MAPK6: variants seen among roughly 807,000 people sequenced by gnomAD.
The protein encoded by MAPK6 is ERK-3.
In MAPK6, 19 loss-of-function variants were observed where a neutral mutation model predicts 59.3. The observed-to-expected ratio is 0.32, with a 90% CI of 0.22 to 0.47. The LOEUF (loss-of-function observed/expected upper bound fraction) is 0.47. Ranked by LOEUF, MAPK6 falls within the 20% of genes least tolerant of loss-of-function variation. The probability of loss-of-function intolerance (pLI) is 1.00; values close to 1 mark genes in which losing one functional copy is unlikely to be tolerated. For synonymous variants in MAPK6, 316 were observed against 290.3 expected, an observed-to-expected ratio of 1.09 and a Z score of -0.90; for missense variants, 724 against 847.9, an observed-to-expected ratio of 0.85 and a Z score of 1.81.
intron 2 of MAPK6, among the ~76,000 whole-genome samples, chr15:51,988,510 G>A (rs1026099243): frequency 3.9e-5 from 6 of 151,934 alleles, no homozygotes; most frequent in Admixed American, 1.3e-4. Context: ...ACGGCGGGTG[G>A]GTCACAAGGG....
upstream of MAPK6, among the ~76,000 whole-genome samples, chr15:52,016,085 C>CAG (rs1472862297): frequency 7.1e-6 from 1 of 140,348 alleles, no homozygotes; most frequent in Non-Finnish European, 1.5e-5. Context: ...CACACACACA[C>CAG]ACACACACAC....
intron 3 of MAPK6, among the ~76,000 whole-genome samples, chr15:52,053,064 A>G: frequency 7.2e-6 from 1 of 139,774 alleles, no homozygotes; most frequent in Admixed American, 7.2e-5. Context: ...GTAGTATCTC[A>G]TTGTGGTTTT....
chr15:52,044,840 A>G (rs1437775541), intron 1 of MAPK6, among the ~76,000 whole-genome samples: 2 of 151,940 alleles, frequency 1.3e-5, no homozygotes, highest in African/African-American at 2.4e-5. Flanking sequence ...TAAATAACAC[A>G]TTAAAACGCA....
intron 5 of MAPK6, 44 bp downstream of exon 5, chr15:52,061,544 C>T: frequency 7.1e-7 from 1 of 1,410,424 alleles, no homozygotes; most frequent in Non-Finnish European, 1.0e-6. Context: ...ACTGAACTTT[C>T]AGTGGACCAT....
In MAPK6 at chr15:52,058,833, C is replaced by A. The variant is rs778918785; in HGVS notation, c.865+36C>A. ...TCGAGAGTAACCCTCACGTTAATGC[C>A]TGTGTGTGAGGCAGAATCTGTGTAG... On this transcript the variant is annotated intron_variant, in intron 4 of 5. Transcript: ENST00000261845. 9.6e-6 allele frequency: 15 copies of A among 1,556,186 alleles called. No individual in the cohort carries two copies. The Admixed American group carries it at 2.6e-4, about 27-fold the overall frequency.
At chr15:52,038,806 GT>G (rs1566907197) in intron 1 of MAPK6, among the ~76,000 whole-genome samples, 3 of 152,190 alleles carry the variant, frequency 2.0e-5, no homozygotes, top group Non-Finnish European at 2.9e-5. Context: ...CCAGCCGTAA[GT>G]TTGTAGAAGG....
upstream of MAPK6, among the ~76,000 whole-genome samples, chr15:52,016,774 G>A (rs1461545829): frequency 6.6e-6 from 1 of 152,134 alleles, no homozygotes; most frequent in Non-Finnish European, 1.5e-5. Flanking sequence ...GGCCAGGTGT[G>A]GTGGCTCATG....
chr15:51,996,294 C>G (rs972808223), intron 2 of MAPK6, among the ~76,000 whole-genome samples: 2 of 152,226 alleles, frequency 1.3e-5, no homozygotes, highest in African/African-American at 4.8e-5. Flanking sequence ...CTGCTTGTCT[C>G]TGGATTCTAG....
intron 2 of MAPK6, among the ~76,000 whole-genome samples, chr15:51,989,042 A>G (rs2057200138): frequency 6.6e-6 from 1 of 151,932 alleles, no homozygotes; most frequent in South Asian, 2.1e-4. Flanking sequence ...GGGCCCACCA[A>G]ATAATACAGG....
intron 2 of MAPK6, among the ~76,000 whole-genome samples, chr15:51,984,441 C>T (rs1484517186): frequency 5.7e-5 from 7 of 123,878 alleles, no homozygotes; most frequent in African/African-American, 2.1e-4. Flanking sequence ...GCCAACACGC[C>T]GGCTAATTTT....
At chr15:52,055,266 G>A (rs994054320) in intron 3 of MAPK6, among the ~76,000 whole-genome samples, 2 of 152,158 alleles carry the variant, frequency 1.3e-5, no homozygotes, top group Admixed American at 6.5e-5. Context: ...ATGTAGCTGG[G>A]TGTGGTGGCA....
chr15:52,054,758 A>T (rs1191804302), intron 3 of MAPK6, among the ~76,000 whole-genome samples: 1 of 151,140 alleles, frequency 6.6e-6, no homozygotes, highest in African/African-American at 2.5e-5. Flanking sequence ...ACATATACAC[A>T]TACATAGATA....
chr15:52,062,947 CTTAAGATT>C (rs1421723478), intron 5 of MAPK6, among the ~76,000 whole-genome samples: 1 of 152,076 alleles, frequency 6.6e-6, no homozygotes, highest in East Asian at 1.9e-4. Flanking sequence ...TCTTTTTAAT[CTTAAGATT>C]TTAAGAAGAA....
At chr15:52,055,455 C>T (rs17612326) in intron 3 of MAPK6, among the ~76,000 whole-genome samples, 1,813 of 152,292 alleles carry the variant, frequency 0.012, 59 homozygotes, top group East Asian at 0.07. Context: ...TTTGGTCATG[C>T]TCCAAGTCAT....
At chr15:52,058,119 A>G (rs1306303178) in intron 3 of MAPK6, among the ~76,000 whole-genome samples, 1 of 152,178 alleles carries the variant, frequency 6.6e-6, no homozygotes, top group Non-Finnish European at 1.5e-5. Flanking sequence ...AAAAGTCACC[A>G]CCTATTTAGC....
chr15:51,983,033 C>T (rs951911808), intron 1 of MAPK6, among the ~76,000 whole-genome samples: 2 of 152,162 alleles, frequency 1.3e-5, no homozygotes, highest in East Asian at 3.8e-4. Flanking sequence ...CACATGTACA[C>T]ACTTTTTATC....
In MAPK6 at chr15:52,065,145, CTT is replaced by C. The variant is rs769651405; in HGVS notation, c.*147_*148del. 1.4e-6 allele frequency: 1 copy of C among 705,414 alleles called. No homozygotes were observed. Among genetic ancestry groups the C allele is most frequent in the Non-Finnish European group, 2.2e-6 (1 of 464,664 alleles). 43.7% of individuals were successfully genotyped at this position (705,414 alleles called of 1,614,324 possible). ...GAGTTCTTGTTTTTTAAAATCCAGA[CTT>C]TCTTTTTCTACATGTGAGATAGTTT... is the stretch of plus-strand genomic sequence containing the variant. On this transcript the variant is annotated 3_prime_UTR_variant, in exon 6 of 6. Coordinates refer to ENST00000261845, the MANE Select transcript of MAPK6 (RefSeq NM_002748.4).
At chr15:52,051,118 T>C (rs1346944214) in intron 3 of MAPK6, among the ~76,000 whole-genome samples, 2 of 151,872 alleles carry the variant, frequency 1.3e-5, no homozygotes, top group African/African-American at 4.8e-5. Flanking sequence ...AGTGCAGTGG[T>C]GCGATTTCTG....
intron 3 of MAPK6, among the ~76,000 whole-genome samples, chr15:52,004,923 G>C (rs1057173983): frequency 6.6e-6 from 1 of 152,194 alleles, no homozygotes; most frequent in African/African-American, 2.4e-5. Context: ...CTGAGGCTGA[G>C]CGTGGAAGGG....
Sources: allele counts gnomAD v4.1 joint callset (sites outside exome capture counted in the v4.1 genomes callset), GRCh38; gene constraint gnomAD v4.1.1; transcripts MANE v1.5; gene names NCBI Gene and HGNC (gene_info 2026-07-23, HGNC 2026-07-21).